Variants in IPO11 observed in about 807,000 individuals in gnomAD.
IPO11 encodes importin-11.
IPO11 carries 66 observed loss-of-function variants against 143.2 expected under a neutral mutation model. That is an observed-to-expected ratio of 0.46 (90% CI 0.38 to 0.57). IPO11 has a LOEUF of 0.57. IPO11 is among the 20% of genes least tolerant of loss of function. The probability of loss-of-function intolerance (pLI) is 0.00; values close to 1 mark genes in which losing one functional copy is unlikely to be tolerated. For missense variants in IPO11, 1,026 were observed against 1,141.0 expected (o/e 0.90, Z 1.45); for synonymous variants, 385 against 377.8 (o/e 1.02, Z -0.22).
chr5:62,484,680 T>TA (rs1746333436), intron 11 of IPO11, among the ~76,000 whole-genome samples: 1 of 151,988 alleles, frequency 6.6e-6, no homozygotes. Flanking sequence ...ATAAAGTACT[T>TA]ACTTGTATGT....
chr5:62,477,973 G>C (rs1746022306), intron 9 of IPO11, among the ~76,000 whole-genome samples: 1 of 152,130 alleles, frequency 6.6e-6, no homozygotes. Context: ...ATAGAATTGA[G>C]TAACTTTGAG....
At chr5:62,549,188 T>C (rs888676281) in intron 24 of IPO11, among the ~76,000 whole-genome samples, 3 of 152,194 alleles carry the variant, frequency 2.0e-5, no homozygotes, top group African/African-American at 7.2e-5. Context: ...GGAATTGATA[T>C]CTTGTATACC....
At chr5:62,440,241 G>T (rs1744420195) in intron 2 of IPO11, among the ~76,000 whole-genome samples, 1 of 152,104 alleles carries the variant, frequency 6.6e-6, no homozygotes, top group African/African-American at 2.4e-5. Context: ...CCAGTTGCCA[G>T]TGGTTCGAAG....
chr5:62,587,052 A>G (rs1264837032), intron 27 of IPO11, among the ~76,000 whole-genome samples: 3 of 150,406 alleles, frequency 2.0e-5, no homozygotes, highest in East Asian at 1.9e-4. Context: ...GTATGTCTTC[A>G]TTGGGCATTG....
chr5:62,501,934 A>G (rs932111804), intron 16 of IPO11, among the ~76,000 whole-genome samples: 1 of 152,272 alleles, frequency 6.6e-6, no homozygotes, highest in East Asian at 1.9e-4. Flanking sequence ...CCCCAACACC[A>G]TGCTCACTGT....
At chr5:62,528,677 TC>T (rs1441053817) in intron 21 of IPO11, among the ~76,000 whole-genome samples, 1 of 152,154 alleles carries the variant, frequency 6.6e-6, no homozygotes, top group African/African-American at 2.4e-5. Flanking sequence ...AGGGAGGTGT[TC>T]CATCCAATAG....
At chr5:62,577,039 G>A (rs141654736) in intron 27 of IPO11, among the ~76,000 whole-genome samples, 95 of 152,332 alleles carry the variant, frequency 6.2e-4, no homozygotes, top group East Asian at 3.9e-3. Flanking sequence ...TTAAGAGGTT[G>A]AGCGTAGTGT....
chr5:62,579,957 T>A (rs1744483117), intron 27 of IPO11: 7 of 1,551,080 alleles, frequency 4.5e-6, no homozygotes, highest in Middle Eastern at 1.7e-4. Flanking sequence ...TCCTTGGGAG[T>A]GGTACCTTTG....
At chr5:62,564,389 A>G (rs560358833) in intron 27 of IPO11, among the ~76,000 whole-genome samples, 25 of 152,240 alleles carry the variant, frequency 1.6e-4, no homozygotes, top group Admixed American at 4.6e-4. Context: ...TGCATCCTCA[A>G]TGATGATTTC....
rs1019618865 is a variant in IPO11, at chr5:62,502,456, T to A, written c.1591-2211T>A. Among the ~76,000 whole-genome samples the A allele has an allele frequency of 3.3e-5, 5 of 152,338 alleles. No homozygotes were observed. In the South Asian group the frequency reaches 6.2e-4, roughly 19 times the overall value. ...CTCAGGAAGAGCCGACTGTTTTTCT[T>A]ATGTTTATTTGTCATCATTTAAAAT... On this transcript the variant is annotated intron_variant, in intron 16 of 29. Coordinates refer to ENST00000325324, the MANE Select transcript of IPO11 (RefSeq NM_016338.5).
chr5:62,620,090 A>C (rs1382736079), intron 29 of IPO11, among the ~76,000 whole-genome samples: 1 of 152,190 alleles, frequency 6.6e-6, no homozygotes, highest in East Asian at 1.9e-4. Context: ...TAAGAGATTT[A>C]TTCTGAGCCA....
intron 16 of IPO11, among the ~76,000 whole-genome samples, chr5:62,495,150 A>G (rs1219102368): frequency 6.6e-6 from 1 of 152,244 alleles, no homozygotes; most frequent in African/African-American, 2.4e-5. Flanking sequence ...AAATAATTTG[A>G]GAATTTAAGT....
intron 29 of IPO11, among the ~76,000 whole-genome samples, chr5:62,610,493 G>T (rs531642094): frequency 1.3e-5 from 2 of 152,158 alleles, no homozygotes; most frequent in South Asian, 4.2e-4. Flanking sequence ...TGTCACTTAC[G>T]TGTTGGTTAT....
At chr5:62,620,217 A>C (rs1486456954) in intron 29 of IPO11, among the ~76,000 whole-genome samples, 1 of 152,104 alleles carries the variant, frequency 6.6e-6, no homozygotes, top group Non-Finnish European at 1.5e-5. Context: ...GACTTCAGTC[A>C]CATGCATTTA....
chr5:62,452,311 A>G (rs746891581), intron 5 of IPO11, among the ~76,000 whole-genome samples: 2 of 151,362 alleles, frequency 1.3e-5, no homozygotes, highest in Non-Finnish European at 2.9e-5. Flanking sequence ...CTATAGTTTT[A>G]CTTCTGTTGA....
At chr5:62,578,042 G>A (rs1032917330) in intron 27 of IPO11, among the ~76,000 whole-genome samples, 4 of 151,994 alleles carry the variant, frequency 2.6e-5, no homozygotes, top group Admixed American at 1.3e-4. Context: ...CTCCATTTTT[G>A]TTCTAAAAGA....
At chr5:62,433,205 T>C (rs1367875000) in intron 1 of IPO11, among the ~76,000 whole-genome samples, 1 of 151,964 alleles carries the variant, frequency 6.6e-6, no homozygotes, top group Non-Finnish European at 1.5e-5. Flanking sequence ...GTAGACTTGC[T>C]GGGGTTATTG....
chr5:62,483,934 A>T, intron 10 of IPO11, 76 bp from the exon 11 acceptor site: 1 of 1,252,048 alleles, frequency 8.0e-7, no homozygotes, highest in Admixed American at 2.5e-5. Flanking sequence ...TGTATTTTTT[A>T]TTTATTTAAG....
At chr5:62,416,138 CA>C (rs1743286798) in intron 1 of IPO11, among the ~76,000 whole-genome samples, 1 of 151,138 alleles carries the variant, frequency 6.6e-6, no homozygotes, top group Non-Finnish European at 1.5e-5. Context: ...CCTGTGTGTA[CA>C]TGCACCTCTG....
Sources: gnomAD v4.1 joint callset for allele counts (sites outside exome capture counted in the v4.1 genomes callset) on GRCh38, gnomAD v4.1.1 for gene constraint, MANE v1.5 for transcripts, NCBI Gene and HGNC (gene_info 2026-07-23, HGNC 2026-07-21) for gene names.